RAB27B: variants seen among roughly 807,000 people sequenced by gnomAD.
RAB27B encodes ras-related protein Rab-27B.
Under a neutral mutation model 24.6 loss-of-function variants are expected in RAB27B, and 15 were observed. That is an observed-to-expected ratio of 0.61 (90% CI 0.41 to 0.94). The LOEUF (loss-of-function observed/expected upper bound fraction) is 0.94. Ranked by LOEUF, RAB27B falls within the 40% of genes least tolerant of loss-of-function variation. The pLI is 0.00. For missense variants in RAB27B, 261 were observed against 266.8 expected (o/e 0.98, Z 0.15); for synonymous variants, 105 against 92.5 (o/e 1.14, Z -0.78).
intron 1 of RAB27B, among the ~76,000 whole-genome samples, chr18:54,850,333 G>GACATATACATATATATATATATATATAT (rs869079784): frequency 1.1e-5 from 1 of 95,156 alleles, no homozygotes; most frequent in East Asian, 2.9e-4. Flanking sequence ...AAACAAACAG[G>GACATATACATATATATATATATATATAT]ATATATATAT....
intron 2 of RAB27B, among the ~76,000 whole-genome samples, chr18:54,789,327 T>A (rs1237559440): frequency 1.3e-5 from 2 of 152,180 alleles, no homozygotes; most frequent in Non-Finnish European, 2.9e-5. Context: ...TACCATGGTA[T>A]GCTTTTAGTC....
intron 2 of RAB27B, among the ~76,000 whole-genome samples, chr18:54,803,627 T>C (rs6566866): frequency 0.99 from 151,025 of 152,260 alleles, 74,908 homozygotes; most frequent in Middle Eastern, 1. Flanking sequence ...TGATGGATGA[T>C]GATATGCAAT....
intron 3 of RAB27B, among the ~76,000 whole-genome samples, chr18:54,881,687 G>A (rs1912930431): frequency 6.6e-6 from 1 of 152,172 alleles, no homozygotes; most frequent in Non-Finnish European, 1.5e-5. Flanking sequence ...TGAGATGGGT[G>A]GGGGAGGCTG....
At chr18:54,846,145 G>A (rs147365686) in intron 1 of RAB27B, among the ~76,000 whole-genome samples, 1,534 of 152,308 alleles carry the variant, frequency 0.01, 20 homozygotes, top group African/African-American at 0.035. Flanking sequence ...CTAAAGGCAA[G>A]CAGGCTATAT....
intron 2 of RAB27B, among the ~76,000 whole-genome samples, chr18:54,762,732 A>G (rs1474876435): frequency 1.3e-5 from 2 of 151,936 alleles, no homozygotes; most frequent in Non-Finnish European, 2.9e-5. Flanking sequence ...CTCCTCCCCA[A>G]CACACCGGGC....
intron 2 of RAB27B, among the ~76,000 whole-genome samples, chr18:54,792,205 G>A (rs1024547859): frequency 3.3e-5 from 5 of 152,158 alleles, no homozygotes; most frequent in Non-Finnish European, 5.9e-5. Context: ...AGGCACTGCC[G>A]TGAGGTCGGA....
Position 54,829,547 on chromosome 18 carries a change from A to G in RAB27B, c.-20+847A>G, listed in dbSNP as rs1486607779. Among the ~76,000 whole-genome samples, 4 of 152,188 alleles carry G rather than the reference A, an allele frequency of 2.6e-5. No homozygotes were observed. In the East Asian group the frequency reaches 7.7e-4, roughly 29 times the overall value. On this transcript the variant is annotated intron_variant, in intron 1 of 5. Coordinates refer to ENST00000262094, the MANE Select transcript of RAB27B (RefSeq NM_004163.4). ...AAATTTCAAGGTTATTAACAACAAA[A>G]TTATTGTTTAATATAATACAGCTCT...
intron 2 of RAB27B, among the ~76,000 whole-genome samples, chr18:54,727,175 T>A (rs890114305): frequency 6.6e-6 from 1 of 152,206 alleles, no homozygotes; most frequent in Admixed American, 6.5e-5. Flanking sequence ...AATTTCATCA[T>A]GTTGGCCAGG....
At chr18:54,860,971 A>G (rs1260189228) in intron 1 of RAB27B, among the ~76,000 whole-genome samples, 1 of 152,224 alleles carries the variant, frequency 6.6e-6, no homozygotes, top group Non-Finnish European at 1.5e-5. Flanking sequence ...TTGGAATCAC[A>G]TGGCTCTGTG....
At chr18:54,838,099 T>C (rs1335370189) in intron 1 of RAB27B, among the ~76,000 whole-genome samples, 1 of 152,178 alleles carries the variant, frequency 6.6e-6, no homozygotes, top group Non-Finnish European at 1.5e-5. Flanking sequence ...ACTCCCATTC[T>C]CTTCATTTTA....
At chr18:54,823,798 A>G (rs563781015), upstream of RAB27B, among the ~76,000 whole-genome samples, 4 of 152,308 alleles carry the variant, frequency 2.6e-5, no homozygotes, top group Non-Finnish European at 5.9e-5. Context: ...TATAGAACAA[A>G]TATCTTTTGT....
intron 1 of RAB27B, among the ~76,000 whole-genome samples, chr18:54,834,852 T>C (rs769454774): frequency 8.6e-5 from 13 of 151,912 alleles, no homozygotes; most frequent in Non-Finnish European, 1.6e-4. Flanking sequence ...TTCAATCATA[T>C]TGAACTTGGG....
chr18:54,753,802 C>T (rs1907912669), intron 2 of RAB27B, among the ~76,000 whole-genome samples: 1 of 152,156 alleles, frequency 6.6e-6, no homozygotes. Flanking sequence ...TGTCACTTAT[C>T]ACACCCAGTA....
intron 1 of RAB27B, among the ~76,000 whole-genome samples, chr18:54,846,459 C>T (rs1321582155): frequency 3.3e-5 from 5 of 152,130 alleles, no homozygotes; most frequent in African/African-American, 1.2e-4. Flanking sequence ...TTTATCTCCT[C>T]CCATGAAATA....
chr18:54,859,751 C>A (rs1055312698), intron 1 of RAB27B, among the ~76,000 whole-genome samples: 1 of 152,146 alleles, frequency 6.6e-6, no homozygotes, highest in African/African-American at 2.4e-5. Context: ...TGTTTTATAT[C>A]GGAAAACACT....
chr18:54,840,282 G>A (rs1182819228), intron 1 of RAB27B, among the ~76,000 whole-genome samples: 8 of 152,086 alleles, frequency 5.3e-5, no homozygotes, highest in Non-Finnish European at 1.2e-4. Context: ...AATGCTTAGT[G>A]CCATTTTGCA....
intron 3 of RAB27B, chr18:54,880,499 G>A (rs2145278075): frequency 6.6e-6 from 1 of 152,254 alleles, no homozygotes; most frequent in Non-Finnish European, 1.5e-5. Flanking sequence ...TCTTTGAAAT[G>A]CATCCAAAGC....
chr18:54,790,889 A>T (rs1457663965), intron 2 of RAB27B, among the ~76,000 whole-genome samples: 10 of 152,194 alleles, frequency 6.6e-5, no homozygotes. Flanking sequence ...ACATCACTGA[A>T]CTTCTTCAAC....
At chr18:54,736,911 CA>C (rs1909914878) in intron 2 of RAB27B, among the ~76,000 whole-genome samples, 1 of 152,160 alleles carries the variant, frequency 6.6e-6, no homozygotes, top group Non-Finnish European at 1.5e-5. Flanking sequence ...AATGTACACT[CA>C]CCCATGGGAT....
Sources: gnomAD v4.1 joint callset for allele counts (sites outside exome capture counted in the v4.1 genomes callset) on GRCh38, gnomAD v4.1.1 for gene constraint, MANE v1.5 for transcripts, NCBI Gene and HGNC (gene_info 2026-07-23, HGNC 2026-07-21) for gene names.